EML1: variants seen among roughly 807,000 people sequenced by gnomAD.
The protein encoded by EML1 is EMAP like 1.
In EML1, 27 loss-of-function variants were observed where a neutral mutation model predicts 110.4. That is an observed-to-expected ratio of 0.24 (90% CI 0.18 to 0.34). EML1 has a LOEUF of 0.34. Among genes scored for constraint, EML1 ranks in the 10% least tolerant of loss-of-function variants. EML1 has a pLI of 1.00. For synonymous variants in EML1, 344 were observed against 385.8 expected (o/e 0.89, Z 1.27); for missense variants, 741 against 1,030.9 (o/e 0.72, Z 3.85).
chr14:99,898,406 G>A, intron 8 of EML1, 104 bp downstream of exon 8: 1 of 1,143,178 alleles, frequency 8.7e-7, no homozygotes, highest in South Asian at 1.8e-5. Flanking sequence ...TATAATTATG[G>A]TATCTGAAAA....
chr14:99,892,033 A>G, intron 5 of EML1: 1 of 554,024 alleles, frequency 1.8e-6, no homozygotes, highest in Non-Finnish European at 2.3e-6. Context: ...CCAGATTTTA[A>G]GACTGGGGGG....
At chr14:99,862,467 A>G (rs1403392294) in intron 2 of EML1, among the ~76,000 whole-genome samples, 3 of 152,244 alleles carry the variant, frequency 2.0e-5, no homozygotes, top group African/African-American at 7.2e-5. Context: ...GGGTAGCCAC[A>G]TAAATTATTC....
At chr14:99,748,745 C>G (rs911714763) in intron 1 of EML1, among the ~76,000 whole-genome samples, 1 of 152,194 alleles carries the variant, frequency 6.6e-6, no homozygotes, top group African/African-American at 2.4e-5. Flanking sequence ...GTTGTGCAAC[C>G]ATCACCACAA....
chr14:99,877,771 A>G (rs933917588), intron 3 of EML1, among the ~76,000 whole-genome samples: 8 of 152,168 alleles, frequency 5.3e-5, no homozygotes, highest in Non-Finnish European at 1.2e-4. Context: ...GCCAGGTGCT[A>G]CTTTGTGGAG....
At chr14:99,870,107 G>A (rs1030639622) in intron 3 of EML1, among the ~76,000 whole-genome samples, 8 of 152,260 alleles carry the variant, frequency 5.3e-5, no homozygotes, top group African/African-American at 1.4e-4. Context: ...AAGGAAATTC[G>A]AAGTGCTACT....
At chr14:99,741,201 A>T (rs1330429001) in intron 1 of EML1, among the ~76,000 whole-genome samples, 1 of 152,208 alleles carries the variant, frequency 6.6e-6, no homozygotes, top group African/African-American at 2.4e-5. Flanking sequence ...TGGTAAGGAC[A>T]GGCCTCTAAC....
intron 2 of EML1, among the ~76,000 whole-genome samples, chr14:99,851,468 C>T (rs369392019): frequency 2.0e-4 from 31 of 152,224 alleles, no homozygotes; most frequent in African/African-American, 6.7e-4. Flanking sequence ...CCACCACGCC[C>T]GGCTTATTTT....
At position 99,784,305 on chromosome 14, in the gene EML1, C is replaced by G. The variant is rs1478915408; in HGVS notation, c.-27+10292C>G. On this transcript the variant is annotated intron_variant, in intron 1 of 22. Coordinates refer to the EML1 transcript ENST00000327921. This position sits in a 1 kb window ranked among gnomAD's most constrained non-coding sequence, Gnocchi z 4.5. Reference sequence around the variant, plus strand: ...ACAAGGTTTCACCATGTTGCCCAGGCTGGTCTCAAACTCCTGGACTCAAGG... The same window carrying G: ...ACAAGGTTTCACCATGTTGCCCAGGGTGGTCTCAAACTCCTGGACTCAAGG... 6.6e-6 allele frequency among the ~76,000 whole-genome samples: 1 copy of G among 152,152 alleles called. No homozygotes were observed. Among genetic ancestry groups the G allele is most frequent in the Non-Finnish European group, 1.5e-5 (1 of 68,020 alleles).
intron 2 of EML1, among the ~76,000 whole-genome samples, chr14:99,857,065 A>C (rs2058915149): frequency 6.6e-6 from 1 of 152,206 alleles, no homozygotes; most frequent in East Asian, 1.9e-4. Flanking sequence ...TGAGCCCACG[A>C]GTTAGAGACT....
At chr14:99,763,257 G>A (rs554449923) in intron 1 of EML1, among the ~76,000 whole-genome samples, 3 of 152,302 alleles carry the variant, frequency 2.0e-5, no homozygotes, top group African/African-American at 7.2e-5. Flanking sequence ...TCTCAGGTAT[G>A]TCTTTATCAG....
Position 99,909,490 on chromosome 14 carries a change from A to G in EML1, c.1239+11A>G. On this transcript the variant is annotated intron_variant, in intron 11 of 21. Transcript: ENST00000262233. ...CAAGGATTATTCGAGGTAAAGTTAA[A>G]TTATGATTTTTGCTTTATTTTTCTC... The G allele has an allele frequency of 1.2e-6, 2 of 1,613,936 alleles. No individual in the cohort carries two copies. Among genetic ancestry groups the G allele is most frequent in the Non-Finnish European group, 1.7e-6 (2 of 1,179,938 alleles).
intron 9 of EML1, 92 bp from the exon 10 acceptor site, chr14:99,907,542 CTCTT>C (rs2059871986): frequency 2.8e-6 from 3 of 1,058,234 alleles, no homozygotes; most frequent in African/African-American, 1.6e-5. Flanking sequence ...ATGTAGCAGA[CTCTT>C]TATTAAAAAT....
chr14:99,786,966 A>T (rs574926163), intron 1 of EML1, among the ~76,000 whole-genome samples: 1 of 152,338 alleles, frequency 6.6e-6, no homozygotes, highest in Admixed American at 6.5e-5. Flanking sequence ...GGATTGGTGA[A>T]GAATGCTTTG....
At chr14:99,817,464 G>A (rs1324603912) in intron 1 of EML1, among the ~76,000 whole-genome samples, 1 of 152,230 alleles carries the variant, frequency 6.6e-6, no homozygotes, top group Non-Finnish European at 1.5e-5. Context: ...GCGACGTGGT[G>A]CCTGTCCCGG....
At chr14:99,782,361 T>C (rs2057549426) in intron 1 of EML1, among the ~76,000 whole-genome samples, 1 of 152,184 alleles carries the variant, frequency 6.6e-6, no homozygotes, top group Non-Finnish European at 1.5e-5. Flanking sequence ...CCAGCTAGGC[T>C]TGCAGCAGAG....
intron 1 of EML1, among the ~76,000 whole-genome samples, chr14:99,806,959 A>T (rs1456081573): frequency 6.6e-6 from 1 of 152,222 alleles, no homozygotes; most frequent in East Asian, 1.9e-4. Context: ...GAAACAGCAG[A>T]TGCAGGACCC....
At chr14:99,857,153 C>A (rs1246751939) in intron 2 of EML1, among the ~76,000 whole-genome samples, 1 of 151,922 alleles carries the variant, frequency 6.6e-6, no homozygotes, top group Non-Finnish European at 1.5e-5. Flanking sequence ...GAACCTGTAG[C>A]CCCAGCTATG....
intron 1 of EML1, among the ~76,000 whole-genome samples, chr14:99,753,459 C>T (rs2057206295): frequency 6.6e-6 from 1 of 151,976 alleles, no homozygotes; most frequent in South Asian, 2.1e-4. Context: ...TCTCCACACA[C>T]TGCTCAGTGT....
In EML1 at chr14:99,783,000, A is replaced by ATT. The variant is rs200142497; in HGVS notation, c.-27+8991_-27+8992dup. Among the ~76,000 whole-genome samples, 136 of 151,802 alleles carry ATT rather than the reference A, an allele frequency of 9.0e-4. 2 individuals carry two copies. The East Asian group carries it at 0.014, about 16-fold the overall frequency. On this transcript the variant is annotated intron_variant, in intron 1 of 22. Transcript: ENST00000327921. ...CTCTAAATCGTTTATATATATATAT[A>ATT]TTTTTATTATACTTTAAGTTCTAGG...
Sources: gnomAD v4.1 joint callset for allele counts (sites outside exome capture counted in the v4.1 genomes callset) on GRCh38, gnomAD v4.1.1 for gene constraint, Gnocchi (gnomAD v3.1) non-coding constraint, MANE v1.5 for transcripts, NCBI Gene and HGNC (gene_info 2026-07-23, HGNC 2026-07-21) for gene names.